Variants in SLC9A3 observed in about 807,000 individuals in gnomAD.
SLC9A3 encodes the protein sodium/hydrogen exchanger 3.
Under a neutral mutation model 86.8 loss-of-function variants are expected in SLC9A3, and 37 were observed. That is an observed-to-expected ratio of 0.43 (90% CI 0.33 to 0.56). The LOEUF (loss-of-function observed/expected upper bound fraction) is 0.56, where lower values mean the gene tolerates loss of function less well. Among genes scored for constraint, SLC9A3 ranks in the 20% least tolerant of loss-of-function variants. SLC9A3 has a pLI of 0.06. For synonymous variants in SLC9A3, 581 were observed against 528.3 expected, an observed-to-expected ratio of 1.10 and a Z score of -1.37; for missense variants, 1,011 against 1,171.9, an observed-to-expected ratio of 0.86 and a Z score of 2.00.
At position 471,270 on chromosome 5, in the gene SLC9A3, C is replaced by A. The variant is rs1484840276; in HGVS notation, c.*2109G>T. The A allele has an allele frequency of 1.2e-5, 2 of 166,236 alleles. No homozygotes were observed. The highest frequency in any genetic ancestry group is 4.8e-5 in the African/African-American group (2 of 41,728). The allele number at this position is 166,236 out of a possible 1,614,324, so 10.3% of individuals were successfully genotyped here. A position where few individuals can be genotyped will look rare whatever the true frequency, so the allele number is the denominator to read the frequency against. On this transcript the variant is annotated 3_prime_UTR_variant, in exon 17 of 17. Coordinates refer to ENST00000264938, the MANE Select transcript of SLC9A3 (RefSeq NM_004174.4). ...AACCGGGTGTCCAGGGAGGAGCGAT[C>A]GGGAGTGGCCAAGCAGTTGCCTGGA...
At chr5:518,622 A>G (rs901329148) in intron 1 of SLC9A3, among the ~76,000 whole-genome samples, 1 of 152,162 alleles carries the variant, frequency 6.6e-6, no homozygotes, top group African/African-American at 2.4e-5. Context: ...CAGGATGGGA[A>G]CCCCAACTCT....
At chr5:488,195 C>G (rs2303737) in intron 3 of SLC9A3, 121 bp downstream of exon 3, 1 of 1,125,596 alleles carries the variant, frequency 8.9e-7, no homozygotes, top group African/African-American at 1.6e-5. Context: ...GGGACGCCCC[C>G]GGGAGGGGAG....
In SLC9A3 at chr5:507,224, G is replaced by A. The variant is rs1236998860; in HGVS notation, c.212-15153C>T. On this transcript the variant is annotated intron_variant, in intron 1 of 16. Transcript: ENST00000264938. Reference sequence around the variant, plus strand: ...GGCTCTGTTGCCCAGGCTGGAGTGCGGTGGCGCGATCTGGGCTCACTGCAA... The same window carrying A: ...GGCTCTGTTGCCCAGGCTGGAGTGCAGTGGCGCGATCTGGGCTCACTGCAA... 1.3e-3 allele frequency among the ~76,000 whole-genome samples: 120 copies of A among 92,044 alleles called. 2 individuals are homozygous for A. Among genetic ancestry groups the A allele is most frequent in the African/African-American group, 5.2e-3 (108 of 20,770 alleles). The allele number at this position is 92,044 out of a possible 152,430, so 60.4% of individuals were successfully genotyped here.
chr5:519,497 C>T (rs554471408), intron 1 of SLC9A3, among the ~76,000 whole-genome samples: 10 of 152,298 alleles, frequency 6.6e-5, no homozygotes, highest in Admixed American at 5.2e-4. Context: ...ACTGAGTGCC[C>T]GGTGGAAGGC....
At chr5:480,103 C>T (rs1174043199) in intron 9 of SLC9A3, 138 bp from the exon 10 acceptor site, 8 of 908,422 alleles carry the variant, frequency 8.8e-6, no homozygotes, top group African/African-American at 6.7e-5. Context: ...AGGGAAGCAG[C>T]CCCTGCCACA....
rs562380800 is a variant in SLC9A3, at chr5:484,806, A to C, written c.755-109T>G. On this transcript the variant is annotated intron_variant, in intron 4 of 16. Transcript: ENST00000264938. ...CCGGGAGCCCGGGAAACGGGGGTGG[A>C]TCCCTCACTCTCTTGGAGATCGGGC... The C allele has an allele frequency of 1.1e-4, 112 of 1,024,804 alleles. No individual in the cohort carries two copies. In the African/African-American group the frequency reaches 1.6e-3, roughly 15 times the overall value. The allele number at this position is 1,024,804 out of a possible 1,614,324, so 63.5% of individuals were successfully genotyped here.
intron 1 of SLC9A3, among the ~76,000 whole-genome samples, chr5:501,569 G>T (rs1446215963): frequency 6.6e-6 from 1 of 152,094 alleles, no homozygotes; most frequent in Non-Finnish European, 1.5e-5. Flanking sequence ...GAGACTCGCA[G>T]AGACGCAGAG....
intron 8 of SLC9A3, 118 bp from the exon 9 acceptor site, chr5:481,753 C>T: frequency 2.2e-6 from 2 of 905,320 alleles, no homozygotes; most frequent in Non-Finnish European, 3.6e-6. Context: ...ACGCCCCTGG[C>T]CTGGACGCAG....
At chr5:499,217 A>G (rs1189233430) in intron 1 of SLC9A3, among the ~76,000 whole-genome samples, 1 of 152,244 alleles carries the variant, frequency 6.6e-6, no homozygotes, top group Non-Finnish European at 1.5e-5. Flanking sequence ...TGAAACCAAG[A>G]ACTCAATTGG....
intron 1 of SLC9A3, among the ~76,000 whole-genome samples, chr5:520,326 C>T (rs1227292105): frequency 6.6e-6 from 1 of 152,208 alleles, no homozygotes; most frequent in Non-Finnish European, 1.5e-5. Flanking sequence ...AATTGTAACT[C>T]CCCCAGTTCC....
At position 476,087 on chromosome 5, in the gene SLC9A3, G is replaced by GT; in HGVS notation, c.2072dup (p.Asn691LysfsTer37). 1.2e-6 allele frequency: 2 copies of GT among 1,613,424 alleles called. No homozygotes were observed. Among genetic ancestry groups the GT allele is most frequent in the Non-Finnish European group, 1.7e-6 (2 of 1,179,858 alleles). On this transcript the variant is annotated frameshift_variant, in exon 14 of 17. Transcript: ENST00000264938. LOFTEE classifies it high-confidence loss of function. ...GCAGCTTCCCATTGGGGATGCTGCT[G>GT]TTTCTCTGCGGAGCAAACGTGAAGC...
intron 10 of SLC9A3, chr5:479,501 A>T: frequency 7.1e-6 from 2 of 282,982 alleles, no homozygotes; most frequent in South Asian, 3.5e-5. Flanking sequence ...TGGGGCAGGC[A>T]GGGCTGTATT....
rs1739393831 is a variant in SLC9A3, at chr5:484,904, C to A, written c.755-207G>T. Among the ~76,000 whole-genome samples the A allele has an allele frequency of 3.3e-5, 5 of 152,364 alleles. No individual in the cohort carries two copies. In the Middle Eastern group the frequency reaches 0.014, roughly 415 times the overall value. On this transcript the variant is annotated intron_variant, in intron 4 of 16. Coordinates refer to ENST00000264938, the MANE Select transcript of SLC9A3 (RefSeq NM_004174.4). Reference sequence around the variant, plus strand: ...GTGCCCCTGGGAGCCTGGCCCCAGGCCCTATCCGGCCGTCTGTCTCAGGAA... The same window carrying A: ...GTGCCCCTGGGAGCCTGGCCCCAGGACCTATCCGGCCGTCTGTCTCAGGAA...
In SLC9A3 at chr5:479,894, C is replaced by T. The variant is rs757572851; in HGVS notation, c.1589G>A (p.Arg530Gln). ...MRRSAQKSRDRILNVFHELNL... is the reference protein window; with the variant it reads ...MRRSAQKSRDQILNVFHELNL... ...CAGCTCGTGGAAGACATTCAGGATCCGGTCTCGAGACTTCTGGGCCGACCG... is the reference window on the plus strand; with the variant it reads ...CAGCTCGTGGAAGACATTCAGGATCTGGTCTCGAGACTTCTGGGCCGACCG... Residue 530 changes from arginine (R) to glutamine (Q), a missense_variant, in exon 10 of 17, where the codon CGG (arginine) becomes CAG (glutamine). Arg to Gln is a conservative substitution (Grantham distance 43). Coordinates refer to ENST00000264938, the MANE Select transcript of SLC9A3 (RefSeq NM_004174.4). 48 of 1,613,860 alleles carry T rather than the reference C, an allele frequency of 3.0e-5. No individual in the cohort carries two copies. The highest frequency in any genetic ancestry group is 6.7e-5 in the East Asian group (3 of 44,894).
In SLC9A3 at chr5:491,966, G is replaced by A. The variant is rs371198920; in HGVS notation, c.317C>T (p.Ala106Val). The change falls in exon 2 of 17, where the codon GCG becomes GTG. Residue 106 changes from alanine to valine, a missense_variant. Ala to Val is a moderately conservative substitution (Grantham distance 64, BLOSUM62 0). Around this residue, in one of 3 missense-constraint regions of SLC9A3, gnomAD observed 565 missense variants for 790.0 expected, o/e 0.72. Coordinates refer to ENST00000264938, the MANE Select transcript of SLC9A3 (RefSeq NM_004174.4). The surrounding 1 kb of genome is among the most constrained non-coding windows in gnomAD (Gnocchi z 9.2). ...GACGGTGGGCGTCAGTGTGAAGGAC[G>A]CGATGTGGTCGGCCGCCCAGACGAT... The part of the protein sequence containing the change: ...GGIVWAADHI[A>V]SFTLTPTVFF... 6.2e-6 allele frequency: 10 copies of A among 1,607,936 alleles called. No individual in the cohort carries two copies. The highest frequency in any genetic ancestry group is 2.7e-5 in the African/African-American group (2 of 74,258).
chr5:523,126 G>A (rs901263063), intron 1 of SLC9A3, among the ~76,000 whole-genome samples: 9 of 152,194 alleles, frequency 5.9e-5, no homozygotes, highest in Non-Finnish European at 1.0e-4. Flanking sequence ...TGAAGGGGAG[G>A]GGAGACCCTG....
At position 523,946 on chromosome 5, in the gene SLC9A3, C is replaced by T. The variant is rs567976984; in HGVS notation, c.211+166G>A. Among the ~76,000 whole-genome samples the T allele has an allele frequency of 1.4e-3, 213 of 152,190 alleles. 2 individuals are homozygous for T. Among genetic ancestry groups the T allele is most frequent in the African/African-American group, 5.0e-3 (208 of 41,558 alleles). ...GACCCGCAGGGGCGGCTTAGCGCGG[C>T]CAGAGTCGCTCCCGAGTCTCGCTCT... On this transcript the variant is annotated intron_variant, in intron 1 of 16. Transcript: ENST00000264938.
At chr5:487,813 G>C (rs968613040) in intron 3 of SLC9A3, among the ~76,000 whole-genome samples, 1 of 152,162 alleles carries the variant, frequency 6.6e-6, no homozygotes, top group Admixed American at 6.5e-5. Flanking sequence ...GATTACAGGC[G>C]CGTGCCACCA....
intron 3 of SLC9A3, among the ~76,000 whole-genome samples, chr5:485,531 G>A (rs1739423705): frequency 6.6e-6 from 1 of 152,268 alleles, no homozygotes; most frequent in Admixed American, 6.5e-5. Context: ...TGAATTCTGA[G>A]TCTCATCTAC....
Sources: gnomAD v4.1 joint callset for allele counts (sites outside exome capture counted in the v4.1 genomes callset) on GRCh38, gnomAD v4.1.1 for gene constraint, gnomAD v4.1.1 regional missense constraint, Gnocchi (gnomAD v3.1) non-coding constraint, MANE v1.5 for transcripts, NCBI Gene and HGNC (gene_info 2026-07-23, HGNC 2026-07-21) for gene names.